The following NCOA5 variants were observed in gnomAD, a reference collection of about 807,000 sequenced individuals.
NCOA5 encodes nuclear receptor coactivator 5.
In NCOA5, 12 loss-of-function variants were observed where a neutral mutation model predicts 59.0. The ratio of observed to expected loss-of-function variants is 0.20; its 90% CI spans 0.13 to 0.33. The LOEUF is 0.33. NCOA5 is among the 10% of genes least tolerant of loss of function. The probability of loss-of-function intolerance (pLI) is 1.00; values close to 1 mark genes in which losing one functional copy is unlikely to be tolerated. For synonymous variants in NCOA5, 270 were observed against 275.5 expected (o/e 0.98, Z 0.20); for missense variants, 655 against 766.6 (o/e 0.85, Z 1.72).
At chr20:46,081,484 A>C (rs2084991636) in intron 1 of NCOA5, among the ~76,000 whole-genome samples, 1 of 152,132 alleles carries the variant, frequency 6.6e-6, no homozygotes, top group South Asian at 2.1e-4. Flanking sequence ...AAGCTGGTGG[A>C]ATCGTTTTGT....
chr20:46,070,490 A>G lies in NCOA5; in HGVS notation c.85T>C (p.Ser29Pro). 1 of 1,613,858 alleles carries G rather than the reference A, an allele frequency of 6.2e-7. No homozygotes were observed. Among genetic ancestry groups the G allele is most frequent in the Non-Finnish European group, 8.5e-7 (1 of 1,179,946 alleles). The change falls in exon 3 of 8, where the codon TCC becomes CCC. Residue 29 changes from serine to proline, a missense_variant. Ser to Pro is a moderately conservative substitution (Grantham distance 74). Around this residue, in one of 3 missense-constraint regions of NCOA5, gnomAD observed 250 missense variants for 260.1 expected, o/e 0.96. Coordinates refer to ENST00000290231, the MANE Select transcript of NCOA5 (RefSeq NM_020967.3). Reference protein sequence around the residue: ...GDSRDSRRDRSPIRGSPRREP... With the variant: ...GDSRDSRRDRPPIRGSPRREP... The stretch of plus-strand genomic sequence containing the variant: ...CTCCTTGGACTTCCTCGAATTGGGG[A>G]TCGATCACGCCTTGAATCTCGACTG...
chr20:46,070,394 G>A lies in NCOA5; in HGVS notation c.181C>T (p.Arg61Trp), dbSNP rs779145499. 17 of 1,613,408 alleles carry A rather than the reference G, an allele frequency of 1.1e-5. No individual in the cohort carries two copies. Among genetic ancestry groups the A allele is most frequent in the Middle Eastern group, 1.6e-4 (1 of 6,084 alleles). ...AAATCTCTACTATGTCTGTGGTCCC[G>A]CAAGTCTCGGGGGTCTCGAATGTCT... ...SRDIRDPRDL[R>W]DHRHSRDLRD... Residue 61 changes from arginine to tryptophan, a missense_variant, in exon 3 of 8, where the codon CGG becomes TGG. Around this residue, in one of 3 missense-constraint regions of NCOA5, gnomAD observed 250 missense variants for 260.1 expected, o/e 0.96. Coordinates refer to ENST00000290231, the MANE Select transcript of NCOA5 (RefSeq NM_020967.3).
At chr20:46,070,628 C>A in intron 2 of NCOA5, 92 bp from the exon 3 acceptor site, 2 of 1,231,844 alleles carry the variant, frequency 1.6e-6, no homozygotes, top group Non-Finnish European at 1.2e-6. Context: ...ACCCTCCAAG[C>A]ATTCTTCTCT....
At position 46,062,182 on chromosome 20, in the gene NCOA5, T is replaced by C. The variant is rs1373343029; in HGVS notation, c.*118A>G. ...AGAGAGAGCAGGTGGTAGAAATTGA[T>C]GACACTCGATGCCGGCCTGGGAGCG... is the stretch of plus-strand genomic sequence containing the variant. On this transcript the variant is annotated 3_prime_UTR_variant, in exon 8 of 8. Transcript: ENST00000290231. The C allele has an allele frequency of 2.7e-6, 2 of 731,990 alleles. No individual in the cohort carries two copies. The highest frequency in any genetic ancestry group is 3.5e-5 in the African/African-American group (2 of 56,386). 45.3% of individuals were successfully genotyped at this position (731,990 alleles called of 1,614,324 possible). A position where few individuals can be genotyped will look rare whatever the true frequency, so the allele number is the denominator to read the frequency against.
Position 46,081,149 on chromosome 20 carries a change from A to T in NCOA5, c.-29-1696T>A, listed in dbSNP as rs541397494. Among the ~76,000 whole-genome samples the T allele has an allele frequency of 2.6e-5, 4 of 152,250 alleles. No homozygotes were observed. The South Asian group carries it at 8.3e-4, about 32-fold the overall frequency. On this transcript the variant is annotated intron_variant, in intron 1 of 7. Transcript: ENST00000290231. ...GAATACACTGGGTGTGTATTAAGAT[A>T]AAAAATATACATAACATAACTTCAG...
chr20:46,079,943 C>A (rs2084974629), intron 1 of NCOA5, among the ~76,000 whole-genome samples: 1 of 152,194 alleles, frequency 6.6e-6, no homozygotes, highest in African/African-American at 2.4e-5. Context: ...TCCCATGAAG[C>A]AGGGCCTCCT....
At chr20:46,069,574 C>A (rs1011108670) in intron 3 of NCOA5, among the ~76,000 whole-genome samples, 1 of 152,024 alleles carries the variant, frequency 6.6e-6, no homozygotes, top group Non-Finnish European at 1.5e-5. Context: ...CACGTCTATA[C>A]AAAAAAATTA....
At chr20:46,069,991 T>A (rs1413195597) in intron 3 of NCOA5, among the ~76,000 whole-genome samples, 1 of 152,230 alleles carries the variant, frequency 6.6e-6, no homozygotes, top group Non-Finnish European at 1.5e-5. Flanking sequence ...GAGTTTCAAT[T>A]TCTCCATACC....
intron 1 of NCOA5, among the ~76,000 whole-genome samples, chr20:46,088,698 A>C (rs1301931017): frequency 6.6e-6 from 1 of 152,244 alleles, no homozygotes; most frequent in Non-Finnish European, 1.5e-5. Context: ...CAAAGAGAAC[A>C]GTTTACAAGA....
Position 46,076,308 on chromosome 20 carries a change from G to C in NCOA5, c.38+3079C>G, listed in dbSNP as rs1378395577. On this transcript the variant is annotated intron_variant, in intron 2 of 7. Coordinates refer to ENST00000290231, the MANE Select transcript of NCOA5 (RefSeq NM_020967.3). ...TTGATACATTTGGAGTTATCTCAAGGCTTTGACTGGAAGCATGCACCCAAA... is the reference window on the plus strand; with the variant it reads ...TTGATACATTTGGAGTTATCTCAAGCCTTTGACTGGAAGCATGCACCCAAA... Among the ~76,000 whole-genome samples, 3 of 149,874 alleles carry C rather than the reference G, an allele frequency of 2.0e-5. No individual in the cohort carries two copies. The Admixed American group carries it at 2.0e-4, about 10-fold the overall frequency.
At chr20:46,071,432 A>C (rs1217884561) in intron 2 of NCOA5, among the ~76,000 whole-genome samples, 1 of 152,162 alleles carries the variant, frequency 6.6e-6, no homozygotes, top group African/African-American at 2.4e-5. Context: ...TGTCCCGTTC[A>C]CTTTTTCTTT....
At chr20:46,086,433 A>G (rs1226737692) in intron 1 of NCOA5, among the ~76,000 whole-genome samples, 2 of 152,138 alleles carry the variant, frequency 1.3e-5, no homozygotes, top group Non-Finnish European at 2.9e-5. Context: ...TAACAAAACC[A>G]CCATTTAAAA....
intron 2 of NCOA5, among the ~76,000 whole-genome samples, chr20:46,076,346 T>C (rs1369975788): frequency 2.0e-5 from 3 of 152,156 alleles, no homozygotes; most frequent in Non-Finnish European, 4.4e-5. Flanking sequence ...AGGTACCCAG[T>C]GTTCACCCTC....
intron 1 of NCOA5, among the ~76,000 whole-genome samples, chr20:46,080,269 A>G (rs1468394281): frequency 6.6e-6 from 1 of 152,230 alleles, no homozygotes; most frequent in Non-Finnish European, 1.5e-5. Context: ...CTTTACAAAA[A>G]TTGAAGTGAA....
chr20:46,085,494 G>A (rs150416039), intron 1 of NCOA5, among the ~76,000 whole-genome samples: 139 of 152,256 alleles, frequency 9.1e-4, no homozygotes, highest in Middle Eastern at 3.4e-3. Flanking sequence ...TGTGTATGGA[G>A]GGGGTGGGGG....
intron 2 of NCOA5, among the ~76,000 whole-genome samples, chr20:46,075,587 A>G (rs139434108): frequency 4.1e-4 from 63 of 152,312 alleles, no homozygotes; most frequent in African/African-American, 1.3e-3. Flanking sequence ...AGACAAGTTA[A>G]TTCTATTTGT....
rs200002068 is a variant in NCOA5, at chr20:46,062,458, C to T, written c.1582G>A (p.Val528Met). The T allele has an allele frequency of 3.1e-6, 5 of 1,614,152 alleles. No homozygotes were observed. The Admixed American group carries it at 8.3e-5, about 27-fold the overall frequency. ...TCAAAGTTGATACCTGTGGAAGACACAGGCCTCTGGCTAGTCATGTTGCTA... is the reference window on the plus strand; with the variant it reads ...TCAAAGTTGATACCTGTGGAAGACATAGGCCTCTGGCTAGTCATGTTGCTA... ...PASNMTSQRPVSSTGINFDNP... is the reference protein window; with the variant it reads ...PASNMTSQRPMSSTGINFDNP... Residue 528 changes from valine to methionine, a missense_variant, in exon 8 of 8, where the codon GTG (valine) becomes ATG (methionine). Coordinates refer to ENST00000290231, the MANE Select transcript of NCOA5 (RefSeq NM_020967.3).
chr20:46,089,019 T>A lies in NCOA5; in HGVS notation c.-30+798A>T, dbSNP rs143719533. ...AAAAAAAGAGTCAGTTTGAATTTTT[T>A]AAAAAATGTAACATTTGGTAAATAG... On this transcript the variant is annotated intron_variant, in intron 1 of 7. Coordinates refer to ENST00000290231, the MANE Select transcript of NCOA5 (RefSeq NM_020967.3). Among the ~76,000 whole-genome samples, 461 of 152,326 alleles carry A rather than the reference T, an allele frequency of 3.0e-3. 2 individuals carry two copies. The highest frequency in any genetic ancestry group is 0.01 in the African/African-American group (424 of 41,588).
chr20:46,065,138 T>C lies in NCOA5; in HGVS notation c.720A>G (p.Gln240=), dbSNP rs1370166207. Residue 240 remains glutamine, a synonymous_variant, in exon 6 of 8, where the codon CAA becomes CAG. Transcript: ENST00000290231. ...CTCCCCTGCTAACATCCTCCAAGGC[T>C]TGTGACAGTGACACTTCTGTGTTAA... ...IFLNTEVSLS[Q]ALEDVSRGGS... is the part of the protein sequence containing the mutation. 6.2e-7 allele frequency: 1 copy of C among 1,614,234 alleles called. No individual in the cohort carries two copies. The highest frequency in any genetic ancestry group is 1.1e-5 in the South Asian group (1 of 91,088).
Sources: gnomAD v4.1 joint callset for allele counts (sites outside exome capture counted in the v4.1 genomes callset) on GRCh38, gnomAD v4.1.1 for gene constraint, gnomAD v4.1.1 regional missense constraint, MANE v1.5 for transcripts, NCBI Gene and HGNC (gene_info 2026-07-23, HGNC 2026-07-21) for gene names.